PPEF2: variants seen among roughly 807,000 people sequenced by gnomAD.
The protein encoded by PPEF2 is protein phosphatase with EF-hand domain 2, also known as serine/threonine-protein phosphatase with EF-hands 2.
A neutral mutation model predicts 84.7 loss-of-function variants in PPEF2; 84 were observed. The observed-to-expected ratio is 0.99, with a 90% CI of 0.83 to 1.19. The LOEUF (loss-of-function observed/expected upper bound fraction) is 1.19. Ranked by LOEUF, PPEF2 falls within the 50% of genes most tolerant of loss-of-function variation. PPEF2 has a pLI of 0.00. For synonymous variants in PPEF2, 346 were observed against 345.2 expected, an observed-to-expected ratio of 1.00 and a Z score of -0.03; for missense variants, 924 against 937.5, an observed-to-expected ratio of 0.99 and a Z score of 0.19.
intron 12 of PPEF2, among the ~76,000 whole-genome samples, chr4:75,872,395 ATCT>A (rs1214056322): frequency 6.6e-6 from 1 of 152,190 alleles, no homozygotes; most frequent in Non-Finnish European, 1.5e-5. Flanking sequence ...TTCACAATGT[ATCT>A]TCTTCACATT....
intron 1 of PPEF2, among the ~76,000 whole-genome samples, chr4:75,898,694 A>G (rs757385380): frequency 6.6e-6 from 1 of 152,188 alleles, no homozygotes; most frequent in African/African-American, 2.4e-5. Flanking sequence ...TTCCATAAAT[A>G]TTAACTGAAT....
chr4:75,897,526 T>A (rs1560490062), intron 1 of PPEF2, among the ~76,000 whole-genome samples: 1 of 152,010 alleles, frequency 6.6e-6, no homozygotes, highest in Non-Finnish European at 1.5e-5. Flanking sequence ...GTGGCTCATG[T>A]CTGTAATCCC....
At position 75,866,338 on chromosome 4, in the gene PPEF2, TCAA is replaced by T; in HGVS notation, c.1768_1770del (p.Leu590del). 1 of 1,613,552 alleles carries T rather than the reference TCAA, an allele frequency of 6.2e-7. No individual in the cohort carries two copies. The highest frequency in any genetic ancestry group is 8.5e-7 in the Non-Finnish European group (1 of 1,179,746). On this transcript the variant is annotated inframe_deletion, in exon 15 of 17. Transcript: ENST00000286719. The stretch of plus-strand genomic sequence containing the variant: ...GACTCCACCGCTGCTGCCCAGTCAC[TCAA>T]GGTGATTAAACCTACAGGTGAGAGC...
intron 1 of PPEF2, among the ~76,000 whole-genome samples, chr4:75,900,646 G>A (rs1450287273): frequency 6.6e-6 from 1 of 151,950 alleles, no homozygotes; most frequent in African/African-American, 2.4e-5. Flanking sequence ...TATATATGAG[G>A]AGTACTTTGC....
chr4:75,874,870 T>C (rs977361945), intron 11 of PPEF2, among the ~76,000 whole-genome samples: 1 of 152,030 alleles, frequency 6.6e-6, no homozygotes, highest in African/African-American at 2.4e-5. Context: ...CTGCTAATTT[T>C]AGCTCTTAAA....
At chr4:75,889,480 T>G (rs1371029933) in intron 5 of PPEF2, among the ~76,000 whole-genome samples, 1 of 152,208 alleles carries the variant, frequency 6.6e-6, no homozygotes, top group African/African-American at 2.4e-5. Context: ...AGAAATCACC[T>G]TCCCAGACAA....
chr4:75,866,113 T>C, intron 15 of PPEF2, 76 bp downstream of exon 15: 5 of 1,423,652 alleles, frequency 3.5e-6, no homozygotes, highest in Non-Finnish European at 3.7e-6. Flanking sequence ...TACTAGTTGG[T>C]TGTTTCTGAA....
At chr4:75,863,637 C>G (rs944045975) in intron 16 of PPEF2, among the ~76,000 whole-genome samples, 3 of 151,690 alleles carry the variant, frequency 2.0e-5, no homozygotes, top group South Asian at 2.1e-4. Flanking sequence ...TAAAAGAAAC[C>G]AATAATAACA....
intron 10 of PPEF2, among the ~76,000 whole-genome samples, chr4:75,877,966 A>C (rs1051261127): frequency 2.0e-5 from 3 of 152,202 alleles, no homozygotes; most frequent in African/African-American, 7.2e-5. Flanking sequence ...GCCAGTCCTC[A>C]TTGACTTTCC....
At chr4:75,888,193 C>T in intron 6 of PPEF2, 21 bp downstream of exon 6, 1 of 1,536,376 alleles carries the variant, frequency 6.5e-7, no homozygotes, top group Non-Finnish European at 9.0e-7. Flanking sequence ...GCATGGAAAG[C>T]CGTTTCTGAC....
intron 13 of PPEF2, among the ~76,000 whole-genome samples, chr4:75,869,138 C>A (rs1339074180): frequency 6.6e-6 from 1 of 152,160 alleles, no homozygotes; most frequent in Non-Finnish European, 1.5e-5. Flanking sequence ...TATGGGACTC[C>A]TAAAAAGTTT....
intron 16 of PPEF2, among the ~76,000 whole-genome samples, chr4:75,864,013 C>T (rs571843244): frequency 1.1e-4 from 17 of 151,808 alleles, no homozygotes; most frequent in South Asian, 4.2e-4. Flanking sequence ...CCTGGGATTA[C>T]GGACATGTGC....
At chr4:75,864,417 G>A (rs1724078653) in intron 16 of PPEF2, 23 bp downstream of exon 16, 2 of 1,529,120 alleles carry the variant, frequency 1.3e-6, no homozygotes, top group African/African-American at 1.4e-5. Context: ...CTTCAAAAGT[G>A]ATAGAATAAT....
At chr4:75,867,946 A>G (rs1724171508) in intron 13 of PPEF2, among the ~76,000 whole-genome samples, 1 of 152,170 alleles carries the variant, frequency 6.6e-6, no homozygotes, top group Admixed American at 6.5e-5. Flanking sequence ...TTGGGTCAAT[A>G]GAGTAATGCT....
chr4:75,884,066 G>A (rs560468424), intron 8 of PPEF2, among the ~76,000 whole-genome samples: 1 of 152,132 alleles, frequency 6.6e-6, no homozygotes, highest in African/African-American at 2.4e-5. Flanking sequence ...CTGGGAGGTG[G>A]AGGTTGCAGT....
At position 75,868,432 on chromosome 4, in the gene PPEF2, C is replaced by T. The variant is rs528136969; in HGVS notation, c.1650-1013G>A. 2.0e-5 allele frequency among the ~76,000 whole-genome samples: 3 copies of T among 151,602 alleles called. No homozygotes were observed. The South Asian group carries it at 6.2e-4, about 32-fold the overall frequency. On this transcript the variant is annotated intron_variant, in intron 13 of 16. Coordinates refer to ENST00000286719, the MANE Select transcript of PPEF2 (RefSeq NM_006239.3). ...AATGACCAGATAACCTATCTTTTCC[C>T]GTGTTAAAAGTTAAAAAAAATTAAA...
Position 75,860,542 on chromosome 4 carries a change from A to T in PPEF2, c.*125T>A. The T allele has an allele frequency of 1.1e-5, 12 of 1,117,494 alleles. No homozygotes were observed. The highest frequency in any genetic ancestry group is 1.5e-5 in the African/African-American group (1 of 64,588). 69.2% of individuals were successfully genotyped at this position (1,117,494 alleles called of 1,614,324 possible). A position where few individuals can be genotyped will look rare whatever the true frequency, so the allele number is the denominator to read the frequency against. On this transcript the variant is annotated 3_prime_UTR_variant, in exon 17 of 17. Transcript: ENST00000286719. ...CCCTCCACACTGAAATACACAGGTG[A>T]TTCTGATGCATATGGATAGGTAAAT...
At chr4:75,885,873 G>C (rs980868135) in intron 7 of PPEF2, among the ~76,000 whole-genome samples, 3 of 152,158 alleles carry the variant, frequency 2.0e-5, no homozygotes, top group African/African-American at 4.8e-5. Flanking sequence ...GCCGGGCGTG[G>C]TGGTGCACGC....
At chr4:75,875,147 C>T (rs371552935) in intron 11 of PPEF2, among the ~76,000 whole-genome samples, 68 of 152,176 alleles carry the variant, frequency 4.5e-4, no homozygotes, top group African/African-American at 1.5e-3. Flanking sequence ...CCTCGTGATC[C>T]GCCTGTCTCA....
Sources: gnomAD v4.1 joint callset for allele counts (sites outside exome capture counted in the v4.1 genomes callset) on GRCh38, gnomAD v4.1.1 for gene constraint, MANE v1.5 for transcripts, NCBI Gene and HGNC (gene_info 2026-07-23, HGNC 2026-07-21) for gene names.